IGSF11: variants seen among roughly 807,000 people sequenced by gnomAD.
The protein encoded by IGSF11 is immunoglobulin superfamily member 11.
Under a neutral mutation model 41.0 loss-of-function variants are expected in IGSF11, and 22 were observed. The observed-to-expected ratio is 0.54, with a 90% CI of 0.38 to 0.77. The LOEUF is 0.77. IGSF11 is among the 30% of genes least tolerant of loss of function. The pLI, the probability that IGSF11 is intolerant of heterozygous loss-of-function variation, is 0.00. For missense variants in IGSF11, 444 were observed against 530.8 expected (o/e 0.84, Z 1.61); for synonymous variants, 219 against 201.3 (o/e 1.09, Z -0.74).
intron 1 of IGSF11, among the ~76,000 whole-genome samples, chr3:119,094,090 G>A (rs149427352): frequency 4.6e-5 from 7 of 151,056 alleles, no homozygotes; most frequent in East Asian, 2.0e-4. Context: ...TATATTGGCC[G>A]AGCTAATGAT....
In IGSF11 at chr3:119,034,843, G is replaced by C. The variant is rs747618363; in HGVS notation, c.-261C>G. 1 of 1,227,482 alleles carries C rather than the reference G, an allele frequency of 8.1e-7. No homozygotes were observed. Among genetic ancestry groups the C allele is most frequent in the Non-Finnish European group, 1.0e-6 (1 of 984,514 alleles). 76.0% of individuals were successfully genotyped at this position (1,227,482 alleles called of 1,614,324 possible). A position where few individuals can be genotyped will look rare whatever the true frequency, so the allele number is the denominator to read the frequency against. ...GCCGTGCCACCCAGCCCTGCCCCAG[G>C]ACTAGCCGACCCCTCGCGCAGTCCG... On this transcript the variant is annotated 5_prime_UTR_variant, in exon 1 of 7. Transcript: ENST00000393775.
intron 1 of IGSF11, among the ~76,000 whole-genome samples, chr3:119,052,454 A>T (rs1477071447): frequency 8.7e-6 from 1 of 115,304 alleles, no homozygotes; most frequent in Non-Finnish European, 1.7e-5. Context: ...AGGGAGGAAG[A>T]GAGGGAGGGA....
intron 1 of IGSF11, among the ~76,000 whole-genome samples, chr3:118,982,208 T>C (rs967274167): frequency 1.3e-5 from 2 of 152,108 alleles, no homozygotes; most frequent in Admixed American, 1.3e-4. Context: ...TGTAAGCATC[T>C]AAGGCCATCT....
rs184061638 is a variant in IGSF11, at chr3:119,093,218, C to G, written c.49+11926G>C. 1.5e-4 allele frequency among the ~76,000 whole-genome samples: 23 copies of G among 152,314 alleles called. No homozygotes were observed. In the East Asian group the frequency reaches 4.1e-3, roughly 27 times the overall value. Reference sequence around the variant, plus strand: ...ACAGAAGACACTAAAGATTGCTGAGCTACGTCCGCCTTCAACACTTCTGTA... The same window carrying G: ...ACAGAAGACACTAAAGATTGCTGAGGTACGTCCGCCTTCAACACTTCTGTA... On this transcript the variant is annotated intron_variant, in intron 1 of 6. Coordinates refer to the IGSF11 transcript ENST00000354673.
At chr3:118,903,897 G>A (rs908827956) in intron 6 of IGSF11, among the ~76,000 whole-genome samples, 1 of 152,152 alleles carries the variant, frequency 6.6e-6, no homozygotes, top group Non-Finnish European at 1.5e-5. Context: ...TAAAGAGATG[G>A]ATCAAATGAA....
intron 1 of IGSF11, among the ~76,000 whole-genome samples, chr3:118,971,606 C>T (rs1331922458): frequency 2.0e-5 from 3 of 151,994 alleles, no homozygotes; most frequent in Non-Finnish European, 1.5e-5. Context: ...GGTTCAAGAC[C>T]AGCCTGACCA....
intron 1 of IGSF11, among the ~76,000 whole-genome samples, chr3:119,074,255 TATTTGACC>T (rs1436552260): frequency 6.6e-6 from 1 of 152,104 alleles, no homozygotes; most frequent in Non-Finnish European, 1.5e-5. Flanking sequence ...ACTGATGACA[TATTTGACC>T]ATAAAACACT....
intron 1 of IGSF11, among the ~76,000 whole-genome samples, chr3:118,965,031 G>A (rs1945576420): frequency 6.6e-6 from 1 of 151,996 alleles, no homozygotes; most frequent in African/African-American, 2.4e-5. Flanking sequence ...GCCCAGAGTT[G>A]ACAAGAATTC....
At position 118,947,559 on chromosome 3, in the gene IGSF11, A is replaced by G. The variant is rs372761753; in HGVS notation, c.53-17284T>C. 45 of 152,376 alleles carry G rather than the reference A, an allele frequency of 3.0e-4. No individual in the cohort carries two copies. The South Asian group carries it at 5.2e-3, about 18-fold the overall frequency. The allele number at this position is 152,376 out of a possible 1,614,324, so 9.4% of individuals were successfully genotyped here. On this transcript the variant is annotated intron_variant, in intron 1 of 6. Coordinates refer to ENST00000393775, the MANE Select transcript of IGSF11 (RefSeq NM_001015887.3). The stretch of plus-strand genomic sequence containing the variant: ...ATCCAATACTTGTTATAAATAAGAT[A>G]AAGCTGGCTATAAATTCACATTTTC...
intron 1 of IGSF11, among the ~76,000 whole-genome samples, chr3:119,131,836 G>C (rs1424631121): frequency 1.3e-5 from 2 of 152,204 alleles, no homozygotes; most frequent in African/African-American, 2.4e-5. Flanking sequence ...AAGCCCATCA[G>C]ACTAACAGCA....
At chr3:119,100,177 T>C (rs1452604206) in intron 1 of IGSF11, among the ~76,000 whole-genome samples, 1 of 152,224 alleles carries the variant, frequency 6.6e-6, no homozygotes, top group East Asian at 1.9e-4. Context: ...GAGAAACTAC[T>C]GCAGTTTCAA....
rs369846212 is a variant in IGSF11, at chr3:119,022,561, T to C, written c.52+11970A>G. Among the ~76,000 whole-genome samples, 116 of 152,312 alleles carry C rather than the reference T, an allele frequency of 7.6e-4. 1 individual carries two copies. In the South Asian group the frequency reaches 0.013, roughly 17 times the overall value. ...GTTGTTTTAAGAACTGGCAAATGAC[T>C]TGAATAGAAAATTTGTAAAAGACAA... On this transcript the variant is annotated intron_variant, in intron 1 of 6. Transcript: ENST00000393775.
intron 1 of IGSF11, among the ~76,000 whole-genome samples, chr3:119,061,452 C>T (rs1178219814): frequency 2.0e-5 from 3 of 152,138 alleles, no homozygotes; most frequent in Non-Finnish European, 4.4e-5. Context: ...CCACTCTTGA[C>T]CAATGTAGGA....
At chr3:118,976,799 T>C (rs937733296) in intron 1 of IGSF11, among the ~76,000 whole-genome samples, 2 of 152,222 alleles carry the variant, frequency 1.3e-5, no homozygotes, top group African/African-American at 4.8e-5. Flanking sequence ...AGGAGAGATA[T>C]GAAAGATAAC....
At chr3:119,048,278 A>C (rs2107426224) in intron 1 of IGSF11, among the ~76,000 whole-genome samples, 1 of 152,258 alleles carries the variant, frequency 6.6e-6, no homozygotes, top group South Asian at 2.1e-4. Flanking sequence ...AAAAGAGAGA[A>C]GAATCAAATA....
At chr3:119,033,802 A>G (rs1454521825) in intron 1 of IGSF11, among the ~76,000 whole-genome samples, 1 of 152,246 alleles carries the variant, frequency 6.6e-6, no homozygotes, top group Non-Finnish European at 1.5e-5. Context: ...GAAAATCAGG[A>G]TCTAAATTAA....
chr3:119,027,963 C>T (rs1939985069), intron 1 of IGSF11, among the ~76,000 whole-genome samples: 1 of 152,132 alleles, frequency 6.6e-6, no homozygotes, highest in Admixed American at 6.5e-5. Flanking sequence ...TACTACAGTA[C>T]TGCAGCCTCT....
intron 1 of IGSF11, among the ~76,000 whole-genome samples, chr3:119,094,075 A>G (rs1354649813): frequency 1.3e-5 from 2 of 151,784 alleles, no homozygotes; most frequent in Admixed American, 6.6e-5. Flanking sequence ...AACATGTAGC[A>G]GGAATATATT....
At chr3:119,011,645 T>C (rs1228314056) in intron 1 of IGSF11, among the ~76,000 whole-genome samples, 2 of 152,156 alleles carry the variant, frequency 1.3e-5, no homozygotes, top group Non-Finnish European at 2.9e-5. Flanking sequence ...TATATAAGTA[T>C]CTGGCTAACC....
Sources: allele counts gnomAD v4.1 joint callset (sites outside exome capture counted in the v4.1 genomes callset), GRCh38; gene constraint gnomAD v4.1.1; transcripts MANE v1.5; gene names NCBI Gene and HGNC (gene_info 2026-07-23, HGNC 2026-07-21).